The following COL25A1 variants were observed in gnomAD, a reference collection of about 807,000 sequenced individuals.
COL25A1 encodes the protein collagen type XXV alpha 1 chain, also known as collagen alpha-1(XXV) chain.
In COL25A1, 103 loss-of-function variants were observed where a neutral mutation model predicts 128.4. The ratio of observed to expected loss-of-function variants is 0.80; its 90% confidence interval spans 0.68 to 0.94. The LOEUF (loss-of-function observed/expected upper bound fraction) is 0.94, where lower values mean the gene tolerates loss of function less well. Among genes scored for constraint, COL25A1 ranks in the 40% least tolerant of loss-of-function variants. The pLI, the probability that COL25A1 is intolerant of heterozygous loss-of-function variation, is 0.00. For missense variants in COL25A1, 745 were observed against 840.0 expected, an observed-to-expected ratio of 0.89 and a Z score of 1.40; for synonymous variants, 279 against 277.2, an observed-to-expected ratio of 1.01 and a Z score of -0.06.
rs1731026011 is a variant in COL25A1 at position 108,814,066 on chromosome 4, G to A, written c.1963-137C>T. The stretch of plus-strand genomic sequence containing the variant: ...AAGCCAACTGACTGGCTATCAATGA[G>A]CCAATTGATTATCTGATATGTGTGC... On this transcript the variant is annotated intron_variant, in intron 37 of 37. Coordinates refer to ENST00000399132, the MANE Select transcript of COL25A1 (RefSeq NM_198721.4). The A allele has an allele frequency of 9.3e-6, 6 of 648,296 alleles. No homozygotes were observed. In the South Asian group the frequency reaches 1.2e-4, roughly 13 times the overall value. 40.2% of individuals were successfully genotyped at this position (648,296 alleles called of 1,614,324 possible).
intron 6 of COL25A1, among the ~76,000 whole-genome samples, chr4:108,988,252 C>T (rs1283131950): frequency 6.6e-6 from 1 of 152,156 alleles, no homozygotes; most frequent in Non-Finnish European, 1.5e-5. Context: ...AGCTTTGTGC[C>T]TTATACATGG....
intron 3 of COL25A1, among the ~76,000 whole-genome samples, chr4:109,105,560 A>G (rs1189611322): frequency 6.6e-6 from 1 of 151,478 alleles, no homozygotes; most frequent in Non-Finnish European, 1.5e-5. Flanking sequence ...TGAAAAAGAA[A>G]TTGGAAGAAG....
At chr4:109,058,766 T>C (rs1033131923) in intron 3 of COL25A1, among the ~76,000 whole-genome samples, 1 of 152,196 alleles carries the variant, frequency 6.6e-6, no homozygotes, top group Non-Finnish European at 1.5e-5. Context: ...ATTACACATA[T>C]GCAAATGGCC....
At chr4:109,274,183 T>C (rs1486587368) in intron 3 of COL25A1, among the ~76,000 whole-genome samples, 1 of 150,498 alleles carries the variant, frequency 6.6e-6, no homozygotes, top group Non-Finnish European at 1.5e-5. Flanking sequence ...TTCCTTTCAA[T>C]CAAATGTTCT....
intron 3 of COL25A1, among the ~76,000 whole-genome samples, chr4:109,189,878 A>G (rs1441407901): frequency 6.6e-6 from 1 of 152,108 alleles, no homozygotes; most frequent in African/African-American, 2.4e-5. Flanking sequence ...ATTAAGTTTA[A>G]CGACTTTTAC....
At chr4:109,135,581 T>C (rs1462372081) in intron 3 of COL25A1, among the ~76,000 whole-genome samples, 2 of 152,152 alleles carry the variant, frequency 1.3e-5, no homozygotes, top group African/African-American at 2.4e-5. Context: ...TGAGGACAGC[T>C]TGAGGACAGC....
At chr4:108,902,345 C>T (rs898808085) in intron 13 of COL25A1, among the ~76,000 whole-genome samples, 10 of 151,922 alleles carry the variant, frequency 6.6e-5, no homozygotes, top group African/African-American at 2.4e-4. Flanking sequence ...GAAACTAAGG[C>T]ACAGAGAAGT....
At chr4:109,078,269 T>G (rs544907217) in intron 3 of COL25A1, among the ~76,000 whole-genome samples, 28 of 152,206 alleles carry the variant, frequency 1.8e-4, no homozygotes, top group Non-Finnish European at 3.5e-4. Flanking sequence ...GGGATCTTGG[T>G]TCTATTTAAA....
chr4:109,296,032 C>G (rs1724946831), intron 3 of COL25A1, among the ~76,000 whole-genome samples: 1 of 152,032 alleles, frequency 6.6e-6, no homozygotes, highest in Non-Finnish European at 1.5e-5. Flanking sequence ...AGTTTCTCTC[C>G]TTATTCAACC....
At chr4:109,281,500 C>A (rs920099196) in intron 3 of COL25A1, among the ~76,000 whole-genome samples, 1 of 151,382 alleles carries the variant, frequency 6.6e-6, no homozygotes, top group Non-Finnish European at 1.5e-5. Flanking sequence ...ACATTTTAGG[C>A]TCCTTTTTAA....
chr4:109,174,904 G>A (rs555898269), intron 3 of COL25A1, among the ~76,000 whole-genome samples: 5 of 152,164 alleles, frequency 3.3e-5, no homozygotes, highest in South Asian at 2.1e-4. Context: ...GAGCATTACC[G>A]CCTGAGCTCT....
At chr4:109,007,296 C>A (rs545188481) in intron 6 of COL25A1, among the ~76,000 whole-genome samples, 3 of 152,198 alleles carry the variant, frequency 2.0e-5, no homozygotes, top group African/African-American at 7.2e-5. Context: ...AGCTAATGAC[C>A]ATCAAGCACC....
At chr4:109,110,971 C>A (rs929577193) in intron 3 of COL25A1, among the ~76,000 whole-genome samples, 1 of 152,198 alleles carries the variant, frequency 6.6e-6, no homozygotes, top group Non-Finnish European at 1.5e-5. Flanking sequence ...CCAGAGTGAT[C>A]TAAAATTCAA....
chr4:108,987,278 A>T (rs1387096418), intron 6 of COL25A1, among the ~76,000 whole-genome samples: 1 of 151,574 alleles, frequency 6.6e-6, no homozygotes, highest in African/African-American at 2.4e-5. Flanking sequence ...CTGTCTTCTC[A>T]CTCTCTCTAT....
chr4:108,982,845 A>G (rs1753134685), intron 6 of COL25A1, among the ~76,000 whole-genome samples: 1 of 152,204 alleles, frequency 6.6e-6, no homozygotes. Context: ...TGTCCATCTG[A>G]GCCCTGAACA....
chr4:109,059,260 T>C (rs771064009), intron 3 of COL25A1, among the ~76,000 whole-genome samples: 2 of 152,192 alleles, frequency 1.3e-5, no homozygotes, highest in Admixed American at 6.5e-5. Context: ...AGTGATGATA[T>C]AGACAGGTTA....
intron 5 of COL25A1, among the ~76,000 whole-genome samples, chr4:109,015,188 A>C (rs1327329393): frequency 6.6e-6 from 1 of 152,230 alleles, no homozygotes; most frequent in African/African-American, 2.4e-5. Context: ...AGACTAATCA[A>C]AAAGAAACAC....
intron 3 of COL25A1, among the ~76,000 whole-genome samples, chr4:109,159,196 G>T (rs1231467146): frequency 6.6e-6 from 1 of 150,758 alleles, no homozygotes; most frequent in Non-Finnish European, 1.5e-5. Context: ...ATGCATTCTA[G>T]ATGGAAAAAA....
At chr4:109,254,988 G>A (rs1225829734) in intron 3 of COL25A1, among the ~76,000 whole-genome samples, 1 of 152,180 alleles carries the variant, frequency 6.6e-6, no homozygotes, top group African/African-American at 2.4e-5. Flanking sequence ...CAAATACAAG[G>A]CTAACGAAAT....
Sources: allele counts gnomAD v4.1 joint callset (sites outside exome capture counted in the v4.1 genomes callset), GRCh38; gene constraint gnomAD v4.1.1; transcripts MANE v1.5; gene names NCBI Gene and HGNC (gene_info 2026-07-23, HGNC 2026-07-21).